Variants in PCDH11Y observed in about 807,000 individuals in gnomAD.
The protein encoded by PCDH11Y is protocadherin-11 Y-linked.
For missense variants in PCDH11Y, 12 were observed against 224.8 expected, an observed-to-expected ratio of 0.05 and a Z score of 6.05; for synonymous variants, 9 against 83.6, an observed-to-expected ratio of 0.11 and a Z score of 4.87.
At chrY:5,261,165 T>A (rs2053017792) in intron 2 of PCDH11Y, among the ~76,000 whole-genome samples, 1 of 32,864 alleles carries the variant, frequency 3.0e-5, no homozygotes, top group Non-Finnish European at 7.5e-5. Context: ...CTGTATAAAT[T>A]GTGCAGTCTT....
chrY:5,279,499 G>A, intron 2 of PCDH11Y, among the ~76,000 whole-genome samples: 2 of 13,813 alleles, frequency 1.4e-4, no homozygotes, highest in Admixed American at 8.2e-4. Context: ...TGTGACAATC[G>A]TTGAAGGAAA....
At chrY:5,186,514 C>G in intron 2 of PCDH11Y, among the ~76,000 whole-genome samples, 1 of 31,616 alleles carries the variant, frequency 3.2e-5, no homozygotes. Flanking sequence ...TCCTTCTTCA[C>G]ATGGCAGCAG....
At chrY:5,090,580 A>G (rs2052738895) in intron 1 of PCDH11Y, among the ~76,000 whole-genome samples, 1 of 32,477 alleles carries the variant, frequency 3.1e-5, no homozygotes, top group Admixed American at 2.8e-4. Context: ...TGAAGGGAGC[A>G]GGGAAGAAAT....
intron 3 of PCDH11Y, among the ~76,000 whole-genome samples, chrY:5,537,259 GTTTTTTTTTTT>G: frequency 1.2e-4 from 2 of 16,376 alleles, no homozygotes; most frequent in South Asian, 2.7e-3. Context: ...ATTGGCAAAT[GTTTTTTTTTTT>G]TTTTTTCCCT....
intron 2 of PCDH11Y, among the ~76,000 whole-genome samples, chrY:5,244,968 A>G (rs2052994022): frequency 6.0e-5 from 2 of 33,519 alleles, no homozygotes; most frequent in East Asian, 8.4e-4. Context: ...CCACAGCCCA[A>G]CACACCAGTT....
chrY:5,072,372 A>T, intron 1 of PCDH11Y, among the ~76,000 whole-genome samples: 1 of 33,178 alleles, frequency 3.0e-5, no homozygotes, highest in African/African-American at 1.2e-4. Flanking sequence ...ACATCTTTTG[A>T]TATTTGTGAC....
At chrY:5,440,195 A>G in intron 2 of PCDH11Y, among the ~76,000 whole-genome samples, 1 of 33,914 alleles carries the variant, frequency 2.9e-5, no homozygotes, top group Non-Finnish European at 7.3e-5. Flanking sequence ...CAATTATTGT[A>G]TTATGTCTCA....
chrY:5,733,170 T>C, intron 4 of PCDH11Y, among the ~76,000 whole-genome samples: 1 of 33,489 alleles, frequency 3.0e-5, no homozygotes, highest in Non-Finnish European at 7.4e-5. Flanking sequence ...TTAAGGACCA[T>C]TGGTGGAGGG....
chrY:5,647,815 C>G, intron 4 of PCDH11Y, among the ~76,000 whole-genome samples: 3 of 33,623 alleles, frequency 8.9e-5, no homozygotes, highest in Admixed American at 5.4e-4. Context: ...GCCTTGAGTC[C>G]TAAGTTGTGA....
intron 2 of PCDH11Y, among the ~76,000 whole-genome samples, chrY:5,173,122 C>A (rs2052888744): frequency 6.0e-5 from 2 of 33,071 alleles, no homozygotes; most frequent in African/African-American, 2.3e-4. Flanking sequence ...CACTCGGCTT[C>A]TAGCGCTGTT....
intron 2 of PCDH11Y, among the ~76,000 whole-genome samples, chrY:5,308,206 T>A: frequency 9.0e-5 from 3 of 33,364 alleles, no homozygotes; most frequent in Non-Finnish European, 2.2e-4. Flanking sequence ...AAAGCTGCAT[T>A]AACAAAGTTC....
At chrY:5,485,031 C>G in intron 2 of PCDH11Y, among the ~76,000 whole-genome samples, 1 of 33,312 alleles carries the variant, frequency 3.0e-5, no homozygotes, top group African/African-American at 1.2e-4. Flanking sequence ...GAACTTCTTG[C>G]ACCTGCTGTT....
chrY:5,135,217 G>T (rs2124641545), intron 2 of PCDH11Y, among the ~76,000 whole-genome samples: 1 of 32,922 alleles, frequency 3.0e-5, no homozygotes, highest in South Asian at 6.9e-4. Flanking sequence ...AGGGATTATG[G>T]GGTGAAGGAG....
At chrY:5,384,577 C>A in intron 2 of PCDH11Y, among the ~76,000 whole-genome samples, 2 of 28,817 alleles carry the variant, frequency 6.9e-5, no homozygotes, top group African/African-American at 2.7e-4. Flanking sequence ...TGGTGGTAAA[C>A]TTAACCTCAT....
At chrY:5,117,880 A>G in intron 2 of PCDH11Y, among the ~76,000 whole-genome samples, 1 of 31,317 alleles carries the variant, frequency 3.2e-5, no homozygotes, top group Admixed American at 3.2e-4. Flanking sequence ...GTATATATTT[A>G]TGTGTATCAA....
At chrY:5,276,137 A>G (rs2124660123) in intron 2 of PCDH11Y, among the ~76,000 whole-genome samples, 9 of 33,319 alleles carry the variant, frequency 2.7e-4, no homozygotes, top group Admixed American at 2.2e-3. Flanking sequence ...CTACAGTACT[A>G]GTAACAATAT....
chrY:5,176,367 C>T (rs2052893793), intron 2 of PCDH11Y, among the ~76,000 whole-genome samples: 1 of 24,732 alleles, frequency 4.0e-5, no homozygotes, highest in Non-Finnish European at 9.1e-5. Context: ...TGTGCAGAAG[C>T]TCTTTAGTTT....
intron 4 of PCDH11Y, among the ~76,000 whole-genome samples, chrY:5,604,354 A>G: frequency 3.0e-5 from 1 of 32,969 alleles, no homozygotes; most frequent in Admixed American, 2.8e-4. Flanking sequence ...GTAGTTTAAA[A>G]GGGAAAGAGG....
intron 4 of PCDH11Y, among the ~76,000 whole-genome samples, chrY:5,632,293 C>T: frequency 3.1e-5 from 1 of 32,171 alleles, no homozygotes; most frequent in Non-Finnish European, 7.6e-5. Context: ...ATAGTATATT[C>T]GTATGCTTAC....
Sources: allele counts gnomAD v4.1 joint callset (sites outside exome capture counted in the v4.1 genomes callset), GRCh38; gene constraint gnomAD v4.1.1; transcripts MANE v1.5; gene names NCBI Gene and HGNC (gene_info 2026-07-23, HGNC 2026-07-21).